The following PLXDC2 variants were observed in gnomAD, a reference collection of about 807,000 sequenced individuals.
PLXDC2 encodes plexin domain-containing protein 2.
In PLXDC2, 40 loss-of-function variants were observed where a neutral mutation model predicts 68.9. The observed-to-expected ratio is 0.58, with a 90% confidence interval of 0.45 to 0.76. The LOEUF (loss-of-function observed/expected upper bound fraction) is 0.76. Among genes scored for constraint, PLXDC2 ranks in the 30% least tolerant of loss-of-function variants. The pLI, the probability that PLXDC2 is intolerant of heterozygous loss-of-function variation, is 0.00. For synonymous variants in PLXDC2, 243 were observed against 234.2 expected, an observed-to-expected ratio of 1.04 and a Z score of -0.34; for missense variants, 644 against 661.9, an observed-to-expected ratio of 0.97 and a Z score of 0.30.
chr10:20,030,727 G>T (rs1034793180), intron 2 of PLXDC2, among the ~76,000 whole-genome samples: 3 of 152,116 alleles, frequency 2.0e-5, no homozygotes, highest in Admixed American at 6.5e-5. Flanking sequence ...GCTGAGAGAG[G>T]TGAGCGCTGA....
At chr10:19,836,670 G>C (rs1173683252) in intron 1 of PLXDC2, among the ~76,000 whole-genome samples, 1 of 152,142 alleles carries the variant, frequency 6.6e-6, no homozygotes, top group African/African-American at 2.4e-5. Context: ...ACAGCATAAA[G>C]AAATAACAGC....
intron 10 of PLXDC2, among the ~76,000 whole-genome samples, chr10:20,212,138 G>A (rs898804930): frequency 1.3e-5 from 2 of 151,862 alleles, no homozygotes; most frequent in African/African-American, 2.4e-5. Context: ...TCAGGTAAAT[G>A]GCTAGGGAAT....
At chr10:19,975,180 C>A (rs753611438) in intron 1 of PLXDC2, among the ~76,000 whole-genome samples, 1 of 152,148 alleles carries the variant, frequency 6.6e-6, no homozygotes, top group East Asian at 1.9e-4. Flanking sequence ...GAAGGCCTGG[C>A]GCAGTGGCTC....
At chr10:19,937,228 C>T (rs1024668391) in intron 1 of PLXDC2, among the ~76,000 whole-genome samples, 7 of 152,018 alleles carry the variant, frequency 4.6e-5, no homozygotes, top group Non-Finnish European at 1.0e-4. Flanking sequence ...TCCTGATGCC[C>T]AGAAATTAAA....
At chr10:20,023,933 C>T (rs577290300) in intron 2 of PLXDC2, among the ~76,000 whole-genome samples, 29 of 152,178 alleles carry the variant, frequency 1.9e-4, no homozygotes, top group East Asian at 1.5e-3. Context: ...CTAGAAATAA[C>T]AACAATTAAG....
chr10:19,988,178 A>G (rs892104699), intron 1 of PLXDC2, among the ~76,000 whole-genome samples: 1 of 152,232 alleles, frequency 6.6e-6, no homozygotes, highest in Non-Finnish European at 1.5e-5. Flanking sequence ...AAGCTCAATG[A>G]TTTTGAAAGC....
chr10:20,289,731 T>C lies in PLXDC2; in HGVS notation c.*9912T>C, dbSNP rs1193680842. On this transcript the variant is annotated 3_prime_UTR_variant, in exon 14 of 14. Coordinates refer to ENST00000377252, the MANE Select transcript of PLXDC2 (RefSeq NM_032812.9). The stretch of plus-strand genomic sequence containing the variant: ...TGTCGGGAATTCCTGTCAGTGGCAT[T>C]CCCTGAGCACTGGCTCTGTACAACT... 6.6e-6 allele frequency: 1 copy of C among 152,258 alleles called. No homozygotes were observed. Among genetic ancestry groups the C allele is most frequent in the East Asian group, 1.9e-4 (1 of 5,196 alleles). 9.4% of individuals were successfully genotyped at this position (152,258 alleles called of 1,614,324 possible).
intron 1 of PLXDC2, among the ~76,000 whole-genome samples, chr10:20,001,088 T>G (rs1378327621): frequency 6.6e-6 from 1 of 152,170 alleles, no homozygotes; most frequent in East Asian, 1.9e-4. Context: ...TCCCATCCAT[T>G]TCTGTAAGTG....
At chr10:20,085,981 A>T (rs1833188182) in intron 4 of PLXDC2, among the ~76,000 whole-genome samples, 1 of 152,190 alleles carries the variant, frequency 6.6e-6, no homozygotes, top group South Asian at 2.1e-4. Context: ...ATCCCTCAAT[A>T]GAATCTAATT....
intron 2 of PLXDC2, among the ~76,000 whole-genome samples, chr10:20,020,227 C>G (rs1364935733): frequency 7.5e-6 from 1 of 132,722 alleles, no homozygotes; most frequent in Admixed American, 7.9e-5. Context: ...ATTATGTTAC[C>G]CAGGCTGGTC....
At chr10:20,105,650 C>T (rs900744053) in intron 4 of PLXDC2, among the ~76,000 whole-genome samples, 5 of 152,154 alleles carry the variant, frequency 3.3e-5, no homozygotes, top group Non-Finnish European at 7.4e-5. Flanking sequence ...CTCCTGCCCC[C>T]TACCCCCACC....
chr10:20,019,059 C>A (rs1294264086), intron 2 of PLXDC2, among the ~76,000 whole-genome samples: 8 of 152,136 alleles, frequency 5.3e-5, no homozygotes, highest in African/African-American at 1.7e-4. Flanking sequence ...GCGAGAGGAT[C>A]CCTTTAGCCC....
At chr10:20,059,780 T>TA (rs61451675) in intron 3 of PLXDC2, among the ~76,000 whole-genome samples, 13,324 of 151,678 alleles carry the variant, frequency 0.088, 1,231 homozygotes, top group African/African-American at 0.24. Context: ...AAAATCCCTT[T>TA]AAAAAAAAAT....
At chr10:20,193,498 G>A (rs1382480111) in intron 9 of PLXDC2, among the ~76,000 whole-genome samples, 2 of 152,044 alleles carry the variant, frequency 1.3e-5, no homozygotes, top group Non-Finnish European at 2.9e-5. Flanking sequence ...GTTTGCAGAT[G>A]AATAATGGAG....
chr10:19,920,781 C>T (rs1833448251), intron 1 of PLXDC2, among the ~76,000 whole-genome samples: 1 of 152,142 alleles, frequency 6.6e-6, no homozygotes, highest in Non-Finnish European at 1.5e-5. Context: ...TGTTTTTGAA[C>T]TCCTGGCCTC....
intron 3 of PLXDC2, among the ~76,000 whole-genome samples, chr10:20,059,570 G>A (rs751023954): frequency 4.6e-5 from 7 of 152,088 alleles, no homozygotes; most frequent in Non-Finnish European, 1.0e-4. Flanking sequence ...TGCTGAAGAG[G>A]TTAGAACTTC....
rs541386178 is a variant in PLXDC2 at position 20,174,810 on chromosome 10, GTAGAGGGAAGGAGAGA to G, written c.884-2186_884-2171del. Among the ~76,000 whole-genome samples the G allele has an allele frequency of 5.9e-4, 89 of 152,050 alleles. 2 individuals are homozygous for G. In the Middle Eastern group the frequency reaches 0.02, roughly 35 times the overall value. ...AGTATAATTAAAAAAAAAGATATGAGTAGAGGGAAGGAGAGATACTTATAGGTTGTTAGTAAACATT... is the reference window on the plus strand; with the variant it reads ...AGTATAATTAAAAAAAAAGATATGAGTACTTATAGGTTGTTAGTAAACATT... On this transcript the variant is annotated intron_variant, in intron 7 of 13. Transcript: ENST00000377252.
At chr10:19,938,469 G>A (rs1056925392) in intron 1 of PLXDC2, among the ~76,000 whole-genome samples, 2 of 152,180 alleles carry the variant, frequency 1.3e-5, no homozygotes, top group Non-Finnish European at 2.9e-5. Flanking sequence ...CAAAGTGGGA[G>A]CAGACATCTT....
chr10:20,132,715 G>A (rs1466829317), intron 4 of PLXDC2, among the ~76,000 whole-genome samples: 1 of 151,472 alleles, frequency 6.6e-6, no homozygotes, highest in African/African-American at 2.4e-5. Context: ...TTCAGCATAT[G>A]AGTGTCCTTA....
Sources: gnomAD v4.1 joint callset for allele counts (sites outside exome capture counted in the v4.1 genomes callset) on GRCh38, gnomAD v4.1.1 for gene constraint, MANE v1.5 for transcripts, NCBI Gene and HGNC (gene_info 2026-07-23, HGNC 2026-07-21) for gene names.